Variants in MAPRE3 observed in about 807,000 individuals in gnomAD.
The protein encoded by MAPRE3 is microtubule-associated protein RP/EB family member 3.
MAPRE3 carries 2 observed loss-of-function variants against 30.5 expected under a neutral mutation model. That is an observed-to-expected ratio of 0.07 (90% confidence interval 0.03 to 0.21). The LOEUF is 0.21. Ranked by LOEUF, MAPRE3 falls within the 10% of genes least tolerant of loss-of-function variation. The pLI, the probability that MAPRE3 is intolerant of heterozygous loss-of-function variation, is 1.00. For missense variants in MAPRE3, 204 were observed against 351.8 expected (o/e 0.58, Z 3.36); for synonymous variants, 110 against 127.7 (o/e 0.86, Z 0.93).
intron 1 of MAPRE3, among the ~76,000 whole-genome samples, chr2:27,019,874 G>T (rs1558386484): frequency 6.6e-6 from 1 of 152,178 alleles, no homozygotes; most frequent in Non-Finnish European, 1.5e-5. Context: ...TGGGGTCAGG[G>T]GTGGGAACGT....
At chr2:26,994,912 C>G (rs2148208215) in intron 1 of MAPRE3, among the ~76,000 whole-genome samples, 1 of 149,136 alleles carries the variant, frequency 6.7e-6, no homozygotes, top group South Asian at 2.1e-4. Flanking sequence ...TCATGGCTCA[C>G]TGCAACCTTG....
chr2:26,987,863 T>C (rs1055736067), intron 1 of MAPRE3, among the ~76,000 whole-genome samples: 2 of 152,170 alleles, frequency 1.3e-5, no homozygotes, highest in Admixed American at 6.5e-5. Flanking sequence ...TATGAGAAAT[T>C]ATGGTGCATG....
At chr2:26,998,267 T>C (rs540210354) in intron 1 of MAPRE3, among the ~76,000 whole-genome samples, 65 of 152,338 alleles carry the variant, frequency 4.3e-4, no homozygotes, top group African/African-American at 1.4e-3. Context: ...CCCCTTAGTT[T>C]CTCCACCAGG....
chr2:27,022,445 TG>T (rs1667127601), intron 2 of MAPRE3, 106 bp downstream of exon 2: 1 of 1,405,112 alleles, frequency 7.1e-7, no homozygotes, highest in Non-Finnish European at 9.7e-7. Flanking sequence ...CATGGCTGAA[TG>T]ACTGATGTGG....
intron 1 of MAPRE3, among the ~76,000 whole-genome samples, chr2:27,011,518 G>A (rs1666854615): frequency 6.6e-6 from 1 of 152,186 alleles, no homozygotes; most frequent in South Asian, 2.1e-4. Context: ...TGAGCATTTT[G>A]TCAGTGGTCA....
intron 1 of MAPRE3, among the ~76,000 whole-genome samples, chr2:27,016,369 G>C (rs899443730): frequency 6.7e-6 from 1 of 150,284 alleles, no homozygotes; most frequent in Non-Finnish European, 1.5e-5. Flanking sequence ...TAAGAGTTTC[G>C]TCAGGTTATG....
intron 1 of MAPRE3, among the ~76,000 whole-genome samples, chr2:26,974,322 C>T (rs921138715): frequency 6.6e-6 from 1 of 152,222 alleles, no homozygotes; most frequent in Non-Finnish European, 1.5e-5. Flanking sequence ...AACTGTCTAA[C>T]TAAATATTTA....
At chr2:27,024,372 G>A (rs1667185399) in intron 4 of MAPRE3, 75 bp downstream of exon 4, 3 of 1,384,830 alleles carry the variant, frequency 2.2e-6, no homozygotes, top group Admixed American at 5.0e-5. Flanking sequence ...GTGCCCCCTG[G>A]GCCACGGCCC....
intron 1 of MAPRE3, among the ~76,000 whole-genome samples, chr2:27,019,559 G>T (rs375700468): frequency 6.6e-6 from 1 of 152,224 alleles, no homozygotes. Context: ...AATGGTGAGC[G>T]CAAGGGCCAA....
At position 26,986,086 on chromosome 2, in the gene MAPRE3, T is replaced by C. The variant is rs369893934; in HGVS notation, c.-8+15284T>C. Among the ~76,000 whole-genome samples the C allele has an allele frequency of 6.6e-5, 10 of 152,344 alleles. No homozygotes were observed. Among genetic ancestry groups the C allele is most frequent in the African/African-American group, 2.4e-4 (10 of 41,600 alleles). Reference sequence around the variant, plus strand: ...GCCAAAATCAAGGTGTTGGCAAGGCTGTGTTTCTTCTGGAGCCTCCAGGAG... The same window carrying C: ...GCCAAAATCAAGGTGTTGGCAAGGCCGTGTTTCTTCTGGAGCCTCCAGGAG... On this transcript the variant is annotated intron_variant, in intron 1 of 6. Coordinates refer to ENST00000233121, the MANE Select transcript of MAPRE3 (RefSeq NM_012326.4). The surrounding 1 kb of genome is among the most constrained non-coding windows in gnomAD (Gnocchi z 4.2).
intron 1 of MAPRE3, among the ~76,000 whole-genome samples, chr2:27,011,448 A>G (rs771149377): frequency 3.9e-5 from 6 of 152,252 alleles, no homozygotes. Flanking sequence ...AAGCTCCTTA[A>G]TAAAGACAAG....
At chr2:27,023,059 T>C (rs146403876) in intron 2 of MAPRE3, among the ~76,000 whole-genome samples, 57 of 152,346 alleles carry the variant, frequency 3.7e-4, no homozygotes, top group African/African-American at 1.3e-3. Flanking sequence ...AAGATGGAGA[T>C]AGTATCACCA....
rs745792575 is a variant in MAPRE3, at chr2:27,023,526, G to A, written c.267+49G>A. On this transcript the variant is annotated intron_variant, in intron 3 of 6. Transcript: ENST00000233121. Reference sequence around the variant, plus strand: ...CCCTGAGGAGCAGTGTGACCCTGGGGAAGAAGAGGACCCACCAGCCCAGGC... The same window carrying A: ...CCCTGAGGAGCAGTGTGACCCTGGGAAAGAAGAGGACCCACCAGCCCAGGC... 3.7e-6 allele frequency: 6 copies of A among 1,609,690 alleles called. No homozygotes were observed. The Admixed American group carries it at 1.0e-4, about 27-fold the overall frequency.
At chr2:27,024,027 C>T in intron 3 of MAPRE3, 69 bp from the exon 4 acceptor site, 1 of 1,248,552 alleles carries the variant, frequency 8.0e-7, no homozygotes, top group Non-Finnish European at 1.2e-6. Flanking sequence ...GAGCAGTGGC[C>T]CTCAGCAGAG....
At chr2:26,989,111 CAT>C (rs1172522311) in intron 1 of MAPRE3, among the ~76,000 whole-genome samples, 2 of 152,204 alleles carry the variant, frequency 1.3e-5, no homozygotes, top group African/African-American at 2.4e-5. Context: ...ATGTATCCCA[CAT>C]TGATAAAGAA....
At chr2:27,008,770 T>TA (rs1666784631) in intron 1 of MAPRE3, among the ~76,000 whole-genome samples, 1 of 152,172 alleles carries the variant, frequency 6.6e-6, no homozygotes, top group Non-Finnish European at 1.5e-5. Context: ...GGTGTATTTG[T>TA]AATCACCCAA....
chr2:27,014,412 T>C (rs1386180685), intron 1 of MAPRE3: 4 of 152,222 alleles, frequency 2.6e-5, no homozygotes, highest in African/African-American at 9.7e-5. Flanking sequence ...AGGATCCCAG[T>C]GGCTGGAACT....
intron 1 of MAPRE3, 35 bp from the exon 2 acceptor site, chr2:27,022,177 C>T: frequency 6.2e-7 from 1 of 1,607,654 alleles, no homozygotes; most frequent in South Asian, 1.1e-5. Flanking sequence ...ACATGAGGCC[C>T]CAGTGCTGAC....
At chr2:26,988,238 A>T (rs1311856913) in intron 1 of MAPRE3, among the ~76,000 whole-genome samples, 1 of 152,196 alleles carries the variant, frequency 6.6e-6, no homozygotes, top group African/African-American at 2.4e-5. Flanking sequence ...CCTCCCTGAC[A>T]GTTTTTAAAT....
Sources: allele counts gnomAD v4.1 joint callset (sites outside exome capture counted in the v4.1 genomes callset), GRCh38; gene constraint gnomAD v4.1.1; non-coding constraint Gnocchi (gnomAD v3.1); transcripts MANE v1.5; gene names NCBI Gene and HGNC (gene_info 2026-07-23, HGNC 2026-07-21).